The following SRC variants were observed in gnomAD, a reference collection of about 807,000 sequenced individuals.
SRC encodes SRC proto-oncogene, non-receptor tyrosine kinase.
A neutral mutation model predicts 62.9 loss-of-function variants in SRC; 13 were observed. The ratio of observed to expected loss-of-function variants is 0.21; its 90% CI spans 0.13 to 0.33. The LOEUF is 0.33. SRC is among the 10% of genes least tolerant of loss of function. The pLI is 1.00. For synonymous variants in SRC, 302 were observed against 317.5 expected, an observed-to-expected ratio of 0.95 and a Z score of 0.52; for missense variants, 457 against 737.3, an observed-to-expected ratio of 0.62 and a Z score of 4.40.
intron 1 of SRC, among the ~76,000 whole-genome samples, chr20:37,346,929 C>T (rs1268179310): frequency 6.6e-6 from 1 of 152,258 alleles, no homozygotes; most frequent in Non-Finnish European, 1.5e-5. Context: ...ACCTGTCTGC[C>T]TGGGCTGGGA....
chr20:37,386,909 C>T (rs908960893), intron 5 of SRC, among the ~76,000 whole-genome samples: 4 of 152,362 alleles, frequency 2.6e-5, no homozygotes, highest in Middle Eastern at 3.4e-3. Flanking sequence ...AGCCCAGAGT[C>T]GGCTCCTGGA....
intron 2 of SRC, among the ~76,000 whole-genome samples, chr20:37,365,612 G>T (rs1297937633): frequency 6.6e-6 from 1 of 151,782 alleles, no homozygotes; most frequent in African/African-American, 2.4e-5. Flanking sequence ...CTTAGACAGG[G>T]TCTTACTCTG....
rs765782972 is a variant in SRC, at chr20:37,386,181, G to A, written c.350+7G>A. 6 of 1,613,768 alleles carry A rather than the reference G, an allele frequency of 3.7e-6. No homozygotes were observed. In the Admixed American group the frequency reaches 5.0e-5, roughly 13 times the overall value. On this transcript the variant is annotated splice_region_variant and intron_variant, in intron 5 of 13. Coordinates refer to ENST00000373578, the MANE Select transcript of SRC (RefSeq NM_198291.3). ...TCCAGATTGTCAACAACACGTGAGT[G>A]CCCCCTTCCCTATTGCCCCTCAGGG...
chr20:37,358,240 G>A (rs1204178031), intron 1 of SRC, among the ~76,000 whole-genome samples: 1 of 152,200 alleles, frequency 6.6e-6, no homozygotes, highest in Non-Finnish European at 1.5e-5. Flanking sequence ...AGTTAGTAAG[G>A]ATTTTGATCG....
At chr20:37,362,337 A>G (rs2069987583) in intron 1 of SRC, among the ~76,000 whole-genome samples, 1 of 152,016 alleles carries the variant, frequency 6.6e-6, no homozygotes, top group African/African-American at 2.4e-5. Flanking sequence ...CTGGGATTAC[A>G]GGTGCAAGCC....
chr20:37,391,365 C>T (rs771405338), intron 5 of SRC, among the ~76,000 whole-genome samples: 12 of 152,202 alleles, frequency 7.9e-5, no homozygotes, highest in Non-Finnish European at 1.8e-4. Flanking sequence ...CTGCTTCTCA[C>T]TCTTGCTCTG....
chr20:37,362,562 A>G (rs1400065362), intron 1 of SRC, among the ~76,000 whole-genome samples: 1 of 152,044 alleles, frequency 6.6e-6, no homozygotes, highest in Non-Finnish European at 1.5e-5. Flanking sequence ...TTGCTGTGTG[A>G]CCAAGGCCCG....
At chr20:37,346,623 G>A (rs1568614616) in intron 1 of SRC, among the ~76,000 whole-genome samples, 1 of 150,974 alleles carries the variant, frequency 6.6e-6, no homozygotes, top group Middle Eastern at 3.2e-3. Context: ...GCCAGTCGGC[G>A]CCGCCTCTGC....
chr20:37,369,897 T>C (rs2070134329), intron 2 of SRC, among the ~76,000 whole-genome samples: 1 of 152,108 alleles, frequency 6.6e-6, no homozygotes, highest in Non-Finnish European at 1.5e-5. Context: ...CCTCCTGGGT[T>C]CAAGCGATTC....
intron 1 of SRC, among the ~76,000 whole-genome samples, chr20:37,352,219 G>C (rs917315730): frequency 2.0e-5 from 3 of 152,260 alleles, no homozygotes; most frequent in Non-Finnish European, 2.9e-5. Flanking sequence ...AAGATCCGAT[G>C]AGCCAATGTG....
chr20:37,400,944 T>A lies in SRC; in HGVS notation c.1039+650T>A, dbSNP rs146789161. ...AATTTGTTTTGTTTATTCTAGAATT[T>A]CATACATGGAATCTTTTACATCTGG... On this transcript the variant is annotated intron_variant, in intron 10 of 13. Coordinates refer to ENST00000373578, the MANE Select transcript of SRC (RefSeq NM_198291.3). 2.9e-3 allele frequency among the ~76,000 whole-genome samples: 437 copies of A among 152,294 alleles called. 2 individuals carry two copies. Among genetic ancestry groups the A allele is most frequent in the African/African-American group, 9.9e-3 (412 of 41,546 alleles).
chr20:37,370,312 C>G (rs543456056), intron 2 of SRC, among the ~76,000 whole-genome samples: 142 of 152,344 alleles, frequency 9.3e-4, no homozygotes, highest in African/African-American at 3.4e-3. Context: ...TGGTACCTCA[C>G]GCCTGTAATC....
At chr20:37,359,483 T>A (rs1216700738) in intron 1 of SRC, among the ~76,000 whole-genome samples, 1 of 151,600 alleles carries the variant, frequency 6.6e-6, no homozygotes, top group Non-Finnish European at 1.5e-5. Flanking sequence ...AATTAGATGG[T>A]GGCCAGGGAA....
Position 37,405,127 on chromosome 20 carries a change from C to T in SRC, c.*1748C>T, listed in dbSNP as rs1241554894. 4.3e-5 allele frequency: 10 copies of T among 233,194 alleles called. No homozygotes were observed. In the East Asian group the frequency reaches 6.0e-4, roughly 14 times the overall value. 14.4% of individuals were successfully genotyped at this position (233,194 alleles called of 1,614,324 possible). ...CATACGTCTTTATTACCCAAGTCTT[C>T]TCCCGTCCATTCCAGTCAAATCTGG... On this transcript the variant is annotated 3_prime_UTR_variant, in exon 14 of 14. Coordinates refer to ENST00000373578, the MANE Select transcript of SRC (RefSeq NM_198291.3).
intron 10 of SRC, 23 bp downstream of exon 10, chr20:37,400,317 A>AG (rs781465530): frequency 4.4e-6 from 7 of 1,588,686 alleles, no homozygotes; most frequent in Non-Finnish European, 5.2e-6. Flanking sequence ...CGGCCGGGGC[A>AG]GGGGGCAGGG....
chr20:37,368,518 C>CTTTTTTTTTTTTTTTTTT lies in SRC; in HGVS notation c.-173+3249_-173+3266dup, dbSNP rs1352624429. 1.6e-3 allele frequency among the ~76,000 whole-genome samples: 118 copies of CTTTTTTTTTTTTTTTTTT among 73,904 alleles called. 14 individuals carry two copies. The highest frequency in any genetic ancestry group is 3.5e-3 in the Admixed American group (17 of 4,874). The allele number at this position is 73,904 out of a possible 152,430, so 48.5% of individuals were successfully genotyped here. ...GTCATAACATTTATGCCTATATTTT[C>CTTTTTTTTTTTTTTTTTT]TTTTTTTTTTTTTTTTTTTTTTTTT... On this transcript the variant is annotated intron_variant, in intron 2 of 13. Transcript: ENST00000373578.
At chr20:37,389,092 C>T (rs545508997) in intron 5 of SRC, among the ~76,000 whole-genome samples, 2 of 152,092 alleles carry the variant, frequency 1.3e-5, no homozygotes, top group Admixed American at 6.5e-5. Context: ...TGGGGGTCCT[C>T]GCAGTAGCAG....
At chr20:37,355,183 C>A (rs1438945648) in intron 1 of SRC, among the ~76,000 whole-genome samples, 2 of 152,170 alleles carry the variant, frequency 1.3e-5, no homozygotes, top group Non-Finnish European at 2.9e-5. Flanking sequence ...GACTCCCCTG[C>A]CCTCTAAACT....
chr20:37,378,660 C>T (rs577855521), intron 2 of SRC, among the ~76,000 whole-genome samples: 1 of 152,274 alleles, frequency 6.6e-6, no homozygotes, highest in East Asian at 1.9e-4. Flanking sequence ...TTTAACCAGC[C>T]CCTCTCTGAG....
Sources: allele counts gnomAD v4.1 joint callset (sites outside exome capture counted in the v4.1 genomes callset), GRCh38; gene constraint gnomAD v4.1.1; transcripts MANE v1.5; gene names NCBI Gene and HGNC (gene_info 2026-07-23, HGNC 2026-07-21).